The following OR10J1 variants were observed in gnomAD, a reference collection of about 807,000 sequenced individuals.
The protein encoded by OR10J1 is olfactory receptor 10J1.
For synonymous variants in OR10J1, 202 were observed against 143.8 expected (o/e 1.40, Z -2.89); for missense variants, 474 against 376.6 (o/e 1.26, Z -2.14).
upstream of OR10J1, among the ~76,000 whole-genome samples, chr1:159,435,874 C>T (rs1289174348): frequency 1.3e-5 from 2 of 152,194 alleles, no homozygotes; most frequent in African/African-American, 2.4e-5. Flanking sequence ...TCTATAGTCA[C>T]TCCACATGTG....
chr1:159,410,234 C>T, the OR10J1 span, among the ~76,000 whole-genome samples: 2 of 152,040 alleles, frequency 1.3e-5, no homozygotes, highest in South Asian at 2.1e-4. Context: ...GGGAGGACTC[C>T]CTCTTTTTCT....
the OR10J1 span, chr1:159,405,732 G>C: frequency 3.5e-6 from 3 of 848,192 alleles, no homozygotes; most frequent in Non-Finnish European, 1.9e-6. Context: ...AGGAGATAAA[G>C]ATCAGGGCAA....
At chr1:159,423,476 G>A in the OR10J1 span, among the ~76,000 whole-genome samples, 1 of 152,170 alleles carries the variant, frequency 6.6e-6, no homozygotes, top group African/African-American at 2.4e-5. Context: ...AGAGCAGGCA[G>A]GCATACTGCA....
the OR10J1 span, among the ~76,000 whole-genome samples, chr1:159,420,012 T>C: frequency 1.7e-3 from 260 of 152,302 alleles, 1 homozygote; most frequent in South Asian, 5.4e-3. Context: ...CTGATGTTGG[T>C]GCATATATGT....
the OR10J1 span, among the ~76,000 whole-genome samples, chr1:159,398,759 A>T: frequency 3.3e-5 from 5 of 152,216 alleles, no homozygotes; most frequent in Non-Finnish European, 1.5e-5. Flanking sequence ...GTATGCCTAC[A>T]GAATCTAGAA....
the OR10J1 span, among the ~76,000 whole-genome samples, chr1:159,423,731 C>A: frequency 1.3e-5 from 2 of 152,098 alleles, no homozygotes; most frequent in Non-Finnish European, 2.9e-5. Context: ...GGTTTACAAC[C>A]ACCAGAAAGA....
At chr1:159,433,140 T>G (rs1223892157), upstream of OR10J1, 7 of 411,606 alleles carry the variant, frequency 1.7e-5, no homozygotes, top group Non-Finnish European at 2.6e-5. Flanking sequence ...CTCTCTTAGG[T>G]GCTGGTCAGT....
At chr1:159,414,659 T>C in the OR10J1 span, among the ~76,000 whole-genome samples, 4,016 of 152,170 alleles carry the variant, frequency 0.026, 173 homozygotes, top group African/African-American at 0.092. Context: ...TTTTGAGAAA[T>C]GTCATACTGT....
chr1:159,405,712 A>G, the OR10J1 span: 2 of 682,060 alleles, frequency 2.9e-6, no homozygotes, highest in Admixed American at 2.0e-5. Flanking sequence ...GGTGTAGATG[A>G]TGAGGTCATA....
the OR10J1 span, among the ~76,000 whole-genome samples, chr1:159,419,726 G>A: frequency 1.3e-5 from 2 of 152,266 alleles, no homozygotes; most frequent in African/African-American, 4.8e-5. Flanking sequence ...AATTTGTTGA[G>A]ACTTGTTTTG....
the OR10J1 span, among the ~76,000 whole-genome samples, chr1:159,414,371 T>C: frequency 6.6e-6 from 1 of 152,114 alleles, no homozygotes; most frequent in Non-Finnish European, 1.5e-5. Flanking sequence ...GTCTGGCTTA[T>C]TTCACTTAAT....
chr1:159,436,118 C>G (rs565648747), upstream of OR10J1, among the ~76,000 whole-genome samples: 1 of 152,112 alleles, frequency 6.6e-6, no homozygotes, highest in South Asian at 2.1e-4. Context: ...CCCAGTTCTC[C>G]ATTTCTACAG....
chr1:159,430,529 A>G, the OR10J1 span, among the ~76,000 whole-genome samples: 2 of 152,122 alleles, frequency 1.3e-5, no homozygotes, highest in African/African-American at 4.8e-5. Context: ...CTAGAGTTGG[A>G]AGAGAAGTGA....
the OR10J1 span, chr1:159,432,134 C>A: frequency 1.3e-5 from 5 of 399,804 alleles, no homozygotes; most frequent in Middle Eastern, 3.1e-4. Flanking sequence ...CGATCCTGGA[C>A]CAGCCTACTG....
the OR10J1 span, among the ~76,000 whole-genome samples, chr1:159,425,288 C>T: frequency 0.015 from 2,355 of 152,074 alleles, 52 homozygotes; most frequent in East Asian, 0.061. Flanking sequence ...ACAAGAAAAT[C>T]CCAGCATTTT....
chr1:159,413,510 TA>T, the OR10J1 span, among the ~76,000 whole-genome samples: 1 of 152,158 alleles, frequency 6.6e-6, no homozygotes, highest in African/African-American at 2.4e-5. Flanking sequence ...TATGCAACCA[TA>T]AAAAATGATG....
At chr1:159,410,316 T>A in the OR10J1 span, among the ~76,000 whole-genome samples, 1 of 152,166 alleles carries the variant, frequency 6.6e-6, no homozygotes, top group Non-Finnish European at 1.5e-5. Context: ...TGGCTGTGAA[T>A]CCATCTGGTC....
chr1:159,418,241 C>G, the OR10J1 span, among the ~76,000 whole-genome samples: 4,017 of 152,220 alleles, frequency 0.026, 173 homozygotes, highest in African/African-American at 0.092. Flanking sequence ...ATTGCCAAGA[C>G]AGTGGGGAAG....
the OR10J1 span, among the ~76,000 whole-genome samples, chr1:159,408,457 G>T: frequency 7.3e-6 from 1 of 136,160 alleles, no homozygotes; most frequent in African/African-American, 2.7e-5. Context: ...ACACTCTGGG[G>T]ACTGTTGGGG....
Sources: gnomAD v4.1 joint callset for allele counts (sites outside exome capture counted in the v4.1 genomes callset) on GRCh38, gnomAD v4.1.1 for gene constraint, MANE v1.5 for transcripts, NCBI Gene and HGNC (gene_info 2026-07-23, HGNC 2026-07-21) for gene names.